The following DMD variants were observed in gnomAD, a reference collection of about 807,000 sequenced individuals.
DMD encodes dystrophin.
Under a neutral mutation model 330.1 loss-of-function variants are expected in DMD, and 63 were observed. That is an observed-to-expected ratio of 0.19 (90% CI 0.16 to 0.24). DMD has a LOEUF of 0.24. Among genes scored for constraint, DMD ranks in the 10% least tolerant of loss-of-function variants. The pLI, the probability that DMD is intolerant of heterozygous loss-of-function variation, is 1.00. For synonymous variants in DMD, 1,223 were observed against 959.8 expected (o/e 1.27, Z -5.07); for missense variants, 3,344 against 2,684.1 (o/e 1.25, Z -5.43).
At chrX:32,696,249 A>G (rs73456961) in intron 9 of DMD, among the ~76,000 whole-genome samples, 16,571 of 111,265 alleles carry the variant, frequency 0.15, 2,937 homozygotes, top group African/African-American at 0.5. Context: ...AGTCCTTTTG[A>G]CACTTTTGAA....
intron 1 of DMD, among the ~76,000 whole-genome samples, chrX:33,328,617 T>C (rs1434185149): frequency 9.0e-6 from 1 of 111,626 alleles, no homozygotes; most frequent in East Asian, 2.8e-4. Context: ...AAAATTACTA[T>C]GTCACGCATT....
intron 9 of DMD, among the ~76,000 whole-genome samples, chrX:32,670,664 T>C (rs369890820): frequency 8.9e-6 from 1 of 112,338 alleles, no homozygotes; most frequent in South Asian, 3.7e-4. Flanking sequence ...AACCTTGTTC[T>C]ATTTGGAATT....
intron 61 of DMD, among the ~76,000 whole-genome samples, chrX:31,334,394 T>G (rs1285855567): frequency 3.6e-5 from 4 of 111,852 alleles, no homozygotes; most frequent in African/African-American, 6.5e-5. Flanking sequence ...ACTTTGGATT[T>G]GCATGTAGCC....
chrX:32,226,964 T>G (rs2097149937), intron 43 of DMD, among the ~76,000 whole-genome samples: 1 of 108,874 alleles, frequency 9.2e-6, no homozygotes, highest in Admixed American at 9.9e-5. Context: ...AGATAAATAA[T>G]TTAGCAAGTT....
At chrX:32,986,967 G>C (rs779659129) in intron 2 of DMD, among the ~76,000 whole-genome samples, 6 of 111,923 alleles carry the variant, frequency 5.4e-5, no homozygotes, top group Admixed American at 1.9e-4. Context: ...GAAATGTCTA[G>C]TACTACTGTG....
chrX:32,739,744 T>C (rs1051860890), intron 7 of DMD, among the ~76,000 whole-genome samples: 7 of 111,064 alleles, frequency 6.3e-5, no homozygotes, highest in Non-Finnish European at 1.3e-4. Flanking sequence ...AGAGCTTTTA[T>C]ACTTTAGGGC....
At chrX:32,141,459 A>C (rs1248480077) in intron 44 of DMD, among the ~76,000 whole-genome samples, 1 of 109,255 alleles carries the variant, frequency 9.2e-6, no homozygotes, top group Non-Finnish European at 1.9e-5. Flanking sequence ...AAACAAAAAC[A>C]AAAACAAAAA....
chrX:32,305,513 C>G (rs1004020158), intron 42 of DMD, among the ~76,000 whole-genome samples: 5 of 111,186 alleles, frequency 4.5e-5, no homozygotes, highest in African/African-American at 1.6e-4. Context: ...TCTGCTATCT[C>G]TAATTTCAAA....
chrX:31,155,993 T>A (rs780327186), intron 74 of DMD, among the ~76,000 whole-genome samples: 95 of 106,444 alleles, frequency 8.9e-4, no homozygotes, highest in African/African-American at 3.1e-3. Flanking sequence ...AGACTCCATT[T>A]AAAAAAAAAA....
At chrX:32,530,696 G>A (rs1264793166) in intron 17 of DMD, among the ~76,000 whole-genome samples, 1 of 112,084 alleles carries the variant, frequency 8.9e-6, no homozygotes, top group Non-Finnish European at 1.9e-5. Flanking sequence ...GCATGACCCA[G>A]AGGATGGGAA....
chrX:32,501,662 A>G, intron 19 of DMD, 93 bp downstream of exon 19: 1 of 630,057 alleles, frequency 1.6e-6, no homozygotes, highest in East Asian at 3.5e-5. Context: ...TGTATTTAAC[A>G]AGTGCTTGTC....
At chrX:31,362,697 C>G (rs778129995) in intron 60 of DMD, among the ~76,000 whole-genome samples, 2 of 113,143 alleles carry the variant, frequency 1.8e-5, no homozygotes, top group Non-Finnish European at 3.7e-5. Flanking sequence ...GTAATCCCAG[C>G]ACTTCGGGAG....
At chrX:32,608,671 A>G (rs752114857) in intron 12 of DMD, among the ~76,000 whole-genome samples, 1 of 110,737 alleles carries the variant, frequency 9.0e-6, no homozygotes, top group African/African-American at 3.3e-5. Flanking sequence ...CGATTTGGAT[A>G]ATAAAACTAG....
chrX:32,860,153 G>A (rs2081967477), intron 2 of DMD, among the ~76,000 whole-genome samples: 1 of 111,921 alleles, frequency 8.9e-6, no homozygotes. Flanking sequence ...CAGATAGGTA[G>A]GTTGACAAGT....
At chrX:32,259,275 T>C (rs1015794054) in intron 43 of DMD, among the ~76,000 whole-genome samples, 2 of 110,954 alleles carry the variant, frequency 1.8e-5, no homozygotes, top group African/African-American at 6.5e-5. Flanking sequence ...TAGCGACTGA[T>C]ATTTTTAGAT....
chrX:33,266,005 C>T (rs2053035165), intron 1 of DMD, among the ~76,000 whole-genome samples: 1 of 111,102 alleles, frequency 9.0e-6, no homozygotes, highest in South Asian at 3.7e-4. Flanking sequence ...ACACCGAAGC[C>T]CCACTATGTC....
chrX:32,054,785 G>A (rs2096152997), intron 44 of DMD, among the ~76,000 whole-genome samples: 1 of 97,505 alleles, frequency 1.0e-5, no homozygotes, highest in Non-Finnish European at 2.0e-5. Context: ...ATAGTATTAT[G>A]TATTCTTTAA....
chrX:31,731,195 C>A (rs768636244), intron 51 of DMD, among the ~76,000 whole-genome samples: 2 of 111,816 alleles, frequency 1.8e-5, no homozygotes, highest in East Asian at 2.8e-4. Context: ...AAAAAAAATC[C>A]AATTTTCAGG....
chrX:33,324,722 A>G (rs1177743559), intron 1 of DMD, among the ~76,000 whole-genome samples: 2 of 111,448 alleles, frequency 1.8e-5, no homozygotes, highest in Non-Finnish European at 3.8e-5. Context: ...TTTATTCTCT[A>G]TCTTTGTTAT....
Sources: allele counts gnomAD v4.1 joint callset (sites outside exome capture counted in the v4.1 genomes callset), GRCh38; gene constraint gnomAD v4.1.1; transcripts MANE v1.5; gene names NCBI Gene and HGNC (gene_info 2026-07-23, HGNC 2026-07-21).